The following FOXP4 variants were observed in gnomAD, a reference collection of about 807,000 sequenced individuals.
FOXP4 encodes the protein forkhead box P4, also known as forkhead box protein P4.
Under a neutral mutation model 82.6 loss-of-function variants are expected in FOXP4, and 25 were observed. The ratio of observed to expected loss-of-function variants is 0.30; its 90% CI spans 0.22 to 0.42. FOXP4 has a LOEUF of 0.42. FOXP4 is among the 10% of genes least tolerant of loss of function. FOXP4 has a pLI of 1.00. For missense variants in FOXP4, 785 were observed against 900.9 expected (o/e 0.87, Z 1.65); for synonymous variants, 415 against 388.2 (o/e 1.07, Z -0.81).
chr6:41,597,783 C>A lies in FOXP4; in HGVS notation c.1728C>A (p.Ala576=). Residue 576 remains alanine, a splice_region_variant and synonymous_variant, in exon 16 of 17, where the codon GCC becomes GCA. Transcript: ENST00000307972. ...SYGALNASYQ[A]ALAESSFPLL... ...GGCCCAACCCTGTGCCCCTGCAGGC[C>A]GCCCTGGCCGAGAGCAGCTTCCCCC... The A allele has an allele frequency of 6.2e-7, 1 of 1,606,366 alleles. No homozygotes were observed. Among genetic ancestry groups the A allele is most frequent in the Non-Finnish European group, 8.5e-7 (1 of 1,179,168 alleles).
chr6:41,567,029 T>C lies in FOXP4; in HGVS notation c.204+1065T>C, dbSNP rs541528561. On this transcript the variant is annotated intron_variant, in intron 2 of 16. Coordinates refer to ENST00000307972, the MANE Select transcript of FOXP4 (RefSeq NM_001012426.2). ...CCTTAAGGGGCCTTTTCCCATCATA[T>C]TCCTTGGAGCCAGAAGTCAGACTGG... Among the ~76,000 whole-genome samples the C allele has an allele frequency of 3.2e-3, 488 of 152,342 alleles. 2 individuals carry two copies. The highest frequency in any genetic ancestry group is 6.8e-3 in the Middle Eastern group (2 of 294).
At chr6:41,579,369 A>G (rs995899332) in intron 3 of FOXP4, among the ~76,000 whole-genome samples, 1 of 152,174 alleles carries the variant, frequency 6.6e-6, no homozygotes, top group Non-Finnish European at 1.5e-5. Flanking sequence ...GGCCTCTTTA[A>G]ATTAATGATC....
At position 41,585,530 on chromosome 6, in the gene FOXP4, A is replaced by G; in HGVS notation, c.510+13A>G. The G allele has an allele frequency of 6.2e-7, 1 of 1,611,008 alleles. No homozygotes were observed. The highest frequency in any genetic ancestry group is 8.5e-7 in the Non-Finnish European group (1 of 1,178,064). ...GCAGCCCAAAGAGGTAAGGGGCTGTACCAGGGCCCACCACCGCCCTCACCC... is the reference window on the plus strand; with the variant it reads ...GCAGCCCAAAGAGGTAAGGGGCTGTGCCAGGGCCCACCACCGCCCTCACCC... On this transcript the variant is annotated intron_variant, in intron 5 of 16. Coordinates refer to ENST00000307972, the MANE Select transcript of FOXP4 (RefSeq NM_001012426.2).
chr6:41,546,900 G>A (rs1763655751), intron 1 of FOXP4, 33 bp downstream of exon 1: 1 of 150,814 alleles, frequency 6.6e-6, no homozygotes, highest in Admixed American at 6.6e-5. Flanking sequence ...GGACGTGGGT[G>A]GGGGCTGGGC....
At chr6:41,573,854 CATGA>C (rs1216082560) in intron 2 of FOXP4, among the ~76,000 whole-genome samples, 1 of 152,182 alleles carries the variant, frequency 6.6e-6, no homozygotes, top group East Asian at 1.9e-4. Context: ...GACGTCCATG[CATGA>C]ATGGACAGTA....
chr6:41,597,671 G>A (rs1050052389), intron 15 of FOXP4, 110 bp from the exon 16 acceptor site: 6 of 1,372,164 alleles, frequency 4.4e-6, no homozygotes, highest in African/African-American at 1.4e-5. Flanking sequence ...CGTGGGGCCA[G>A]TAGGCAGACA....
chr6:41,568,538 G>C (rs188460609), intron 2 of FOXP4, among the ~76,000 whole-genome samples: 61 of 152,358 alleles, frequency 4.0e-4, no homozygotes, highest in Admixed American at 3.3e-4. Context: ...GTAAATTAGA[G>C]CATTTCATTT....
chr6:41,565,539 TG>T (rs1205695167), intron 1 of FOXP4, among the ~76,000 whole-genome samples: 1 of 152,110 alleles, frequency 6.6e-6, no homozygotes, highest in African/African-American at 2.4e-5. Context: ...AAAACATGGT[TG>T]GGGGTGTGGA....
intron 2 of FOXP4, 147 bp from the exon 3 acceptor site, chr6:41,577,839 C>T (rs1169633094): frequency 5.0e-6 from 3 of 602,930 alleles, no homozygotes; most frequent in Non-Finnish European, 8.9e-6. Flanking sequence ...TACCCTTACC[C>T]CAAGCCCTTA....
At chr6:41,581,740 A>G (rs1408345871) in intron 3 of FOXP4, among the ~76,000 whole-genome samples, 1 of 152,244 alleles carries the variant, frequency 6.6e-6, no homozygotes. Flanking sequence ...AGTGCACACC[A>G]TGTAATCCAT....
In FOXP4 at chr6:41,565,796, G is replaced by A. The variant is rs769276715; in HGVS notation, c.36G>A (p.Ser12=). ...MVESASETIR[S]APSGQNGVGS... is the part of the protein sequence containing the mutation. ...AATCTGCCTCGGAGACAATCAGGTCGGCTCCATCTGGTCAGAATGGCGTGG... is the reference window on the plus strand; with the variant it reads ...AATCTGCCTCGGAGACAATCAGGTCAGCTCCATCTGGTCAGAATGGCGTGG... Residue 12 remains serine, a synonymous_variant, in exon 2 of 17, where the codon TCG becomes TCA. Transcript: ENST00000307972. The A allele has an allele frequency of 1.4e-4, 226 of 1,612,500 alleles. No individual in the cohort carries two copies. The South Asian group carries it at 1.6e-3, about 12-fold the overall frequency.
chr6:41,565,929 A>C lies in FOXP4; in HGVS notation c.169A>C (p.Ser57Arg). The C allele has an allele frequency of 6.2e-7, 1 of 1,613,940 alleles. No homozygotes were observed. The highest frequency in any genetic ancestry group is 1.1e-5 in the South Asian group (1 of 91,070). ...GGGTGCAGACAGCAATGGTGAGATG[A>C]GTCCCGCAGAGCTGCTGCACTTCCA... ...TTGADSNGEM[S>R]PAELLHFQQQ... The change falls in exon 2 of 17, where the codon AGT becomes CGT. Residue 57 changes from serine (S) to arginine (R), a missense_variant. By Grantham distance (110) the Ser-to-Arg change is moderately radical (BLOSUM62 -1). Transcript: ENST00000307972.
At chr6:41,565,165 C>T (rs994806827) in intron 1 of FOXP4, among the ~76,000 whole-genome samples, 11 of 152,014 alleles carry the variant, frequency 7.2e-5, no homozygotes, top group African/African-American at 2.4e-4. Context: ...CCAGCCTGGC[C>T]GACATGGTGA....
At chr6:41,573,303 G>C (rs983331367) in intron 2 of FOXP4, among the ~76,000 whole-genome samples, 11 of 152,212 alleles carry the variant, frequency 7.2e-5, no homozygotes, top group African/African-American at 2.4e-4. Context: ...TCCTATCCTG[G>C]AGGGGAGAGA....
rs1309372162 is a variant in FOXP4 at position 41,546,596 on chromosome 6, G to C, written c.-288G>C. ...CCGGGGTCCGGGAGCCCGGGAGCCG[G>C]AGCGAGCTGACGAGCGTCGCGGAAG... On this transcript the variant is annotated 5_prime_UTR_variant, in exon 1 of 17. Coordinates refer to ENST00000307972, the MANE Select transcript of FOXP4 (RefSeq NM_001012426.2). 6.7e-6 allele frequency: 1 copy of C among 148,562 alleles called. No homozygotes were observed. Among genetic ancestry groups the C allele is most frequent in the Non-Finnish European group, 1.5e-5 (1 of 66,488 alleles). 9.2% of individuals were successfully genotyped at this position (148,562 alleles called of 1,614,324 possible).
intron 1 of FOXP4, among the ~76,000 whole-genome samples, chr6:41,562,727 A>G (rs953588690): frequency 3.3e-5 from 5 of 152,198 alleles, no homozygotes; most frequent in Non-Finnish European, 7.3e-5. Context: ...GAGTTCTCAG[A>G]TCTCAGAGAA....
intron 2 of FOXP4, chr6:41,570,157 A>G (rs534423973): frequency 5.7e-5 from 21 of 367,924 alleles, no homozygotes; most frequent in South Asian, 4.2e-4. Context: ...TCCAGGGCCC[A>G]TTTCTCTTCA....
intron 14 of FOXP4, among the ~76,000 whole-genome samples, chr6:41,596,018 C>G (rs1561808101): frequency 6.6e-6 from 1 of 152,220 alleles, no homozygotes; most frequent in African/African-American, 2.4e-5. Flanking sequence ...CTGCCTTAGC[C>G]TCCCGAGAAG....
intron 2 of FOXP4, among the ~76,000 whole-genome samples, chr6:41,576,730 A>AG (rs1765510378): frequency 6.6e-6 from 1 of 152,138 alleles, no homozygotes; most frequent in South Asian, 2.1e-4. Flanking sequence ...AGTAATTTGG[A>AG]GATGGGTAGT....
Sources: allele counts gnomAD v4.1 joint callset (sites outside exome capture counted in the v4.1 genomes callset), GRCh38; gene constraint gnomAD v4.1.1; transcripts MANE v1.5; gene names NCBI Gene and HGNC (gene_info 2026-07-23, HGNC 2026-07-21).